BCL2: variants seen among roughly 807,000 people sequenced by gnomAD.
BCL2 encodes the protein BCL2 apoptosis regulator.
BCL2 carries 1 observed loss-of-function variant against 14.2 expected under a neutral mutation model. The observed-to-expected ratio is 0.07, with a 90% confidence interval of 0.02 to 0.33. The LOEUF is 0.33. BCL2 is among the 10% of genes least tolerant of loss of function. The pLI is 0.99. For missense variants in BCL2, 247 were observed against 305.9 expected (o/e 0.81, Z 1.44); for synonymous variants, 151 against 137.2 (o/e 1.10, Z -0.70).
At chr18:63,162,261 T>A (rs1026792297) in intron 2 of BCL2, among the ~76,000 whole-genome samples, 3 of 152,132 alleles carry the variant, frequency 2.0e-5, no homozygotes, top group African/African-American at 4.8e-5. Context: ...ATGACCCATA[T>A]AAACAAAAAA....
At chr18:63,143,096 C>T (rs1216493190) in intron 2 of BCL2, among the ~76,000 whole-genome samples, 1 of 152,210 alleles carries the variant, frequency 6.6e-6, no homozygotes, top group Non-Finnish European at 1.5e-5. Context: ...GGCCTCTCAT[C>T]TGAATAGCTG....
chr18:63,295,481 C>T (rs980809851), intron 2 of BCL2, among the ~76,000 whole-genome samples: 2 of 152,146 alleles, frequency 1.3e-5, no homozygotes, highest in African/African-American at 4.8e-5. Flanking sequence ...TAATACAATT[C>T]TTGCTGATTC....
chr18:63,148,318 G>A (rs773717004), intron 2 of BCL2, among the ~76,000 whole-genome samples: 11 of 152,072 alleles, frequency 7.2e-5, no homozygotes, highest in Non-Finnish European at 1.5e-4. Flanking sequence ...CAGGAAAAAA[G>A]TGTCAGTGAT....
intron 2 of BCL2, among the ~76,000 whole-genome samples, chr18:63,138,636 G>T (rs1330682399): frequency 6.6e-6 from 1 of 152,264 alleles, no homozygotes; most frequent in African/African-American, 2.4e-5. Flanking sequence ...TCCAGTGCCT[G>T]GGGGTTGATC....
At chr18:63,211,613 G>A (rs148434433) in intron 2 of BCL2, among the ~76,000 whole-genome samples, 58 of 152,264 alleles carry the variant, frequency 3.8e-4, no homozygotes, top group African/African-American at 1.3e-3. Context: ...GTGCATGGGC[G>A]GGGGGCTCTG....
chr18:63,244,368 A>G (rs7242501), intron 2 of BCL2, among the ~76,000 whole-genome samples: 113,101 of 150,614 alleles, frequency 0.75, 44,464 homozygotes, highest in Non-Finnish European at 0.86. Flanking sequence ...ACAGAGCAAG[A>G]CTCTGTCTCA....
intron 2 of BCL2, among the ~76,000 whole-genome samples, chr18:63,202,902 T>C (rs529074967): frequency 6.6e-6 from 1 of 152,262 alleles, no homozygotes; most frequent in South Asian, 2.1e-4. Flanking sequence ...TTCTATAATA[T>C]AGCTTAATTC....
At chr18:63,221,416 G>C (rs1910387709) in intron 2 of BCL2, among the ~76,000 whole-genome samples, 1 of 152,006 alleles carries the variant, frequency 6.6e-6, no homozygotes, top group South Asian at 2.1e-4. Context: ...TTAAGTTTGG[G>C]GGAAAAAAAG....
intron 2 of BCL2, among the ~76,000 whole-genome samples, chr18:63,190,756 T>C (rs1278096558): frequency 6.6e-6 from 1 of 152,022 alleles, no homozygotes; most frequent in African/African-American, 2.4e-5. Context: ...GCTTGTGACA[T>C]AGGTAAACGT....
At chr18:63,142,272 G>A (rs1024355525) in intron 2 of BCL2, among the ~76,000 whole-genome samples, 1 of 152,200 alleles carries the variant, frequency 6.6e-6, no homozygotes, top group African/African-American at 2.4e-5. Context: ...TGGAGGATGC[G>A]GCATCCTCAG....
At chr18:63,181,233 A>G (rs753160337) in intron 2 of BCL2, among the ~76,000 whole-genome samples, 1 of 152,158 alleles carries the variant, frequency 6.6e-6, no homozygotes, top group African/African-American at 2.4e-5. Context: ...GAAAGGTGGA[A>G]CCTAGCCAAA....
At position 63,300,763 on chromosome 18, in the gene BCL2, G is replaced by A. The variant is rs571679666; in HGVS notation, c.585+17319C>T. ...CGATCCAGCGAGAACTCCAGGAGCC[G>A]TAGAGATCTTTGTGACTGCCTGCCC... On this transcript the variant is annotated intron_variant, in intron 2 of 2. Coordinates refer to ENST00000333681, the MANE Select transcript of BCL2 (RefSeq NM_000633.3). Among the ~76,000 whole-genome samples the A allele has an allele frequency of 2.0e-5, 3 of 152,232 alleles. No individual in the cohort carries two copies. The South Asian group carries it at 6.2e-4, about 32-fold the overall frequency.
intron 2 of BCL2, among the ~76,000 whole-genome samples, chr18:63,193,655 CAT>C (rs1338136132): frequency 2.0e-5 from 3 of 150,708 alleles, no homozygotes; most frequent in African/African-American, 7.3e-5. Context: ...TATATATACA[CAT>C]ACATATATAT....
chr18:63,251,428 G>C (rs1381675513), intron 2 of BCL2, among the ~76,000 whole-genome samples: 2 of 152,004 alleles, frequency 1.3e-5, no homozygotes, highest in Non-Finnish European at 2.9e-5. Context: ...CGGATCACCA[G>C]GTCAGGAGAT....
At chr18:63,169,770 G>A (rs545197494) in intron 2 of BCL2, among the ~76,000 whole-genome samples, 1 of 151,988 alleles carries the variant, frequency 6.6e-6, no homozygotes, top group East Asian at 1.9e-4. Flanking sequence ...TGATCCACCC[G>A]CCTCGGCCTC....
chr18:63,289,791 G>A (rs1912594509), intron 2 of BCL2, among the ~76,000 whole-genome samples: 1 of 152,146 alleles, frequency 6.6e-6, no homozygotes, highest in Non-Finnish European at 1.5e-5. Context: ...CTACTTGAAA[G>A]GCTGAGGCAG....
rs192114822 is a variant in BCL2, at chr18:63,319,310, G to C, written c.-423C>G. 2.7e-4 allele frequency: 62 copies of C among 228,908 alleles called. No individual in the cohort carries two copies. The highest frequency in any genetic ancestry group is 1.4e-3 in the African/African-American group (62 of 45,166). 14.2% of individuals were successfully genotyped at this position (228,908 alleles called of 1,614,324 possible). On this transcript the variant is annotated 5_prime_UTR_variant, in exon 1 of 3. Transcript: ENST00000333681. ...GATTTGAAACTTCCCAATGAATCAG[G>C]AGTCGCGGGGAGAGGGAGTAAAAAT...
At chr18:63,280,650 T>G (rs1048836501) in intron 2 of BCL2, among the ~76,000 whole-genome samples, 1 of 152,188 alleles carries the variant, frequency 6.6e-6, no homozygotes, top group Non-Finnish European at 1.5e-5. Context: ...TTCACACTCA[T>G]GAAGAGGGCC....
chr18:63,156,087 C>CACA (rs1914773231), intron 2 of BCL2, among the ~76,000 whole-genome samples: 1 of 64,252 alleles, frequency 1.6e-5, no homozygotes, highest in African/African-American at 5.4e-5. Context: ...GCTGAGAAGC[C>CACA]AAAAAAAAAA....
Sources: gnomAD v4.1 joint callset for allele counts (sites outside exome capture counted in the v4.1 genomes callset) on GRCh38, gnomAD v4.1.1 for gene constraint, MANE v1.5 for transcripts, NCBI Gene and HGNC (gene_info 2026-07-23, HGNC 2026-07-21) for gene names.